UGT2B10: variants seen among roughly 807,000 people sequenced by gnomAD.
The protein encoded by UGT2B10 is UDP glucuronosyltransferase family 2 member B10.
Under a neutral mutation model 43.7 loss-of-function variants are expected in UGT2B10, and 51 were observed. The ratio of observed to expected loss-of-function variants is 1.17; its 90% CI spans 0.93 to 1.47. The LOEUF is 1.47. Among genes scored for constraint, UGT2B10 ranks in the 40% most tolerant of loss-of-function variants. The pLI, the probability that UGT2B10 is intolerant of heterozygous loss-of-function variation, is 0.00. For synonymous variants in UGT2B10, 225 were observed against 209.0 expected (o/e 1.08, Z -0.66); for missense variants, 696 against 617.7 (o/e 1.13, Z -1.34).
At chr4:68,823,581 A>G (rs1737623004) in intron 3 of UGT2B10, among the ~76,000 whole-genome samples, 1 of 152,164 alleles carries the variant, frequency 6.6e-6, no homozygotes, top group Non-Finnish European at 1.5e-5. Flanking sequence ...TTTTATAAAC[A>G]TGGTGCCTGG....
intron 2 of UGT2B10, among the ~76,000 whole-genome samples, chr4:68,820,135 G>A (rs835316): frequency 0.74 from 112,498 of 151,802 alleles, 45,866 homozygotes; most frequent in Non-Finnish European, 0.9. Flanking sequence ...GAAGAGAGTA[G>A]GACAATGTAG....
intron 2 of UGT2B10, 30 bp downstream of exon 2, chr4:68,818,207 T>C: frequency 6.2e-7 from 1 of 1,603,588 alleles, no homozygotes; most frequent in Non-Finnish European, 8.5e-7. Flanking sequence ...TTTTATTTTG[T>C]TGGCTTCAAA....
chr4:68,829,197 C>CA (rs1737953183), intron 5 of UGT2B10, among the ~76,000 whole-genome samples: 1 of 151,916 alleles, frequency 6.6e-6, no homozygotes, highest in Non-Finnish European at 1.5e-5. Context: ...TGGAATTACC[C>CA]AAGAACGGTT....
chr4:68,823,235 T>C (rs144904915), intron 3 of UGT2B10, among the ~76,000 whole-genome samples: 2,579 of 152,148 alleles, frequency 0.017, 37 homozygotes, highest in Non-Finnish European at 0.023. Flanking sequence ...AGGATGGGCA[T>C]GGTGGTTCGC....
At position 68,816,118 on chromosome 4, in the gene UGT2B10, C is replaced by A. The variant is rs1430446394; in HGVS notation, c.99C>A (p.Ser33Arg). The A allele has an allele frequency of 6.2e-7, 1 of 1,613,124 alleles. No homozygotes were observed. The highest frequency in any genetic ancestry group is 1.3e-5 in the African/African-American group (1 of 74,824). ...TGCTGGTATGGGCCGCAGAATACAG[C>A]CTTTGGATGAATATGAAGACAATCC... ...GKVLVWAAEY[S>R]LWMNMKTILK... is the part of the protein sequence containing the mutation. Residue 33 changes from serine to arginine, a missense_variant, in exon 1 of 6, where the codon AGC (serine) becomes AGA (arginine). By Grantham distance (110) the Ser-to-Arg change is moderately radical (BLOSUM62 -1). Coordinates refer to ENST00000265403, the MANE Select transcript of UGT2B10 (RefSeq NM_001075.6).
At position 68,831,516 on chromosome 4, in the gene UGT2B10, G is replaced by A. The variant is rs1738100479; in HGVS notation, c.*637G>A. Among the ~76,000 whole-genome samples the A allele has an allele frequency of 6.6e-6, 1 of 152,070 alleles. No individual in the cohort carries two copies. The highest frequency in any genetic ancestry group is 1.5e-5 in the Non-Finnish European group (1 of 67,976). On this transcript the variant is annotated 3_prime_UTR_variant, in exon 6 of 6. Transcript: ENST00000265403. ...AAATAATTAGATATTCTTGAAATCA[G>A]AAATGTGCTCCCTAATTATATGAAA...
At position 68,816,104 on chromosome 4, in the gene UGT2B10, G is replaced by C; in HGVS notation, c.85G>C (p.Ala29Pro). ...SGSCGKVLVW[A>P]AEYSLWMNMK... ...GAGTTGTGGAAAGGTGCTGGTATGG[G>C]CCGCAGAATACAGCCTTTGGATGAA... The change falls in exon 1 of 6, where the codon GCC (alanine) becomes CCC (proline). Residue 29 changes from alanine to proline, a missense_variant. By Grantham distance (27) the Ala-to-Pro change is conservative. Coordinates refer to ENST00000265403, the MANE Select transcript of UGT2B10 (RefSeq NM_001075.6). The C allele has an allele frequency of 6.2e-7, 1 of 1,613,256 alleles. No homozygotes were observed. The highest frequency in any genetic ancestry group is 1.7e-5 in the Admixed American group (1 of 59,928).
chr4:68,822,987 C>T (rs1273136015), intron 3 of UGT2B10, among the ~76,000 whole-genome samples: 1 of 152,048 alleles, frequency 6.6e-6, no homozygotes, highest in East Asian at 1.9e-4. Flanking sequence ...TGAATGTTTA[C>T]AATTAAGGAA....
rs756682834 is a variant in UGT2B10, at chr4:68,816,456, T to A, written c.437T>A (p.Ile146Asn). ...AAACTACAAGAGTCAAGATTTGACA[T>A]CGTTTTTGCAGATGCTTATTTACCC... is the stretch of plus-strand genomic sequence containing the variant. ...MKKLQESRFD[I>N]VFADAYLPCG... Residue 146 changes from isoleucine (I) to asparagine (N), a missense_variant, in exon 1 of 6, where the codon ATC (isoleucine) becomes AAC (asparagine). Coordinates refer to ENST00000265403, the MANE Select transcript of UGT2B10 (RefSeq NM_001075.6). The A allele has an allele frequency of 6.2e-7, 1 of 1,613,238 alleles. No individual in the cohort carries two copies. The highest frequency in any genetic ancestry group is 8.5e-7 in the Non-Finnish European group (1 of 1,179,466).
At chr4:68,829,719 T>A (rs998716432) in intron 5 of UGT2B10, among the ~76,000 whole-genome samples, 2 of 151,910 alleles carry the variant, frequency 1.3e-5, no homozygotes, top group Non-Finnish European at 2.9e-5. Context: ...AGGGATAAAA[T>A]GTGTAAAGTG....
At chr4:68,824,374 C>T (rs1163205548) in intron 3 of UGT2B10, among the ~76,000 whole-genome samples, 2 of 152,136 alleles carry the variant, frequency 1.3e-5, no homozygotes, top group African/African-American at 2.4e-5. Context: ...AAATGTGGCC[C>T]CACAAGGACT....
chr4:68,830,243 A>G (rs545945675), intron 5 of UGT2B10, among the ~76,000 whole-genome samples: 115 of 152,176 alleles, frequency 7.6e-4, no homozygotes, highest in Non-Finnish European at 1.3e-3. Context: ...TGATTATTTC[A>G]CTTTGTATCA....
At chr4:68,823,282 C>A (rs1485962769) in intron 3 of UGT2B10, among the ~76,000 whole-genome samples, 16 of 151,872 alleles carry the variant, frequency 1.1e-4, no homozygotes, top group African/African-American at 3.1e-4. Context: ...CCAAGGCGGG[C>A]AGATCACGAG....
At chr4:68,830,177 T>C (rs924206384) in intron 5 of UGT2B10, among the ~76,000 whole-genome samples, 1 of 152,076 alleles carries the variant, frequency 6.6e-6, no homozygotes, top group Non-Finnish European at 1.5e-5. Context: ...ATGTGGAATG[T>C]GTTCATAATA....
rs1738075404 is a variant in UGT2B10 at position 68,831,038 on chromosome 4, A to AC, written c.*161dup. 1.1e-6 allele frequency: 1 copy of AC among 929,810 alleles called. No individual in the cohort carries two copies. The highest frequency in any genetic ancestry group is 1.7e-5 in the African/African-American group (1 of 59,706). The allele number at this position is 929,810 out of a possible 1,614,324, so 57.6% of individuals were successfully genotyped here. ...GTAAAAATTTGTTTTTCAGAGATTT[A>AC]CCACCCAGTTAATGGTTAGAAATAT... On this transcript the variant is annotated 3_prime_UTR_variant, in exon 6 of 6. Transcript: ENST00000265403.
rs1227386791 is a variant in UGT2B10, at chr4:68,816,078, G to C, written c.59G>C (p.Gly20Ala). ...CAACTCAGTTTTTACTTTAGCTCTG[G>C]GAGTTGTGGAAAGGTGCTGGTATGG... ...LIQLSFYFSS[G>A]SCGKVLVWAA... The change falls in exon 1 of 6, where the codon GGG becomes GCG. Residue 20 changes from glycine to alanine, a missense_variant. Transcript: ENST00000265403. 6.2e-7 allele frequency: 1 copy of C among 1,613,102 alleles called. No homozygotes were observed. The highest frequency in any genetic ancestry group is 1.7e-5 in the Admixed American group (1 of 59,924).
In UGT2B10 at chr4:68,827,494, C is replaced by G; in HGVS notation, c.1253C>G (p.Thr418Arg). The change falls in exon 5 of 6, where the codon ACA becomes AGA. Residue 418 changes from threonine (T) to arginine (R), a missense_variant. Transcript: ENST00000265403. ...GCAGCTGTTAGAGTGGACTTCAACA[C>G]AATGTCGAGTACAGACCTGCTGAAT... ...KGAAVRVDFN[T>R]MSSTDLLNAL... 1 of 1,613,426 alleles carries G rather than the reference C, an allele frequency of 6.2e-7. No homozygotes were observed. The highest frequency in any genetic ancestry group is 8.5e-7 in the Non-Finnish European group (1 of 1,179,550).
chr4:68,818,978 T>C (rs536912775), intron 2 of UGT2B10, among the ~76,000 whole-genome samples: 3 of 152,030 alleles, frequency 2.0e-5, no homozygotes, highest in African/African-American at 7.2e-5. Context: ...ATGGATTAAA[T>C]TGCAGAAGGG....
chr4:68,824,582 A>G (rs1737675679), intron 3 of UGT2B10, among the ~76,000 whole-genome samples: 1 of 152,206 alleles, frequency 6.6e-6, no homozygotes, highest in Non-Finnish European at 1.5e-5. Context: ...CTAATTTCCT[A>G]TCTGATAAAG....
Sources: gnomAD v4.1 joint callset for allele counts (sites outside exome capture counted in the v4.1 genomes callset) on GRCh38, gnomAD v4.1.1 for gene constraint, MANE v1.5 for transcripts, NCBI Gene and HGNC (gene_info 2026-07-23, HGNC 2026-07-21) for gene names.